CLPSL1: variants seen among roughly 807,000 people sequenced by gnomAD.
CLPSL1 encodes the protein colipase-like protein 1.
CLPSL1 carries 13 observed loss-of-function variants against 9.3 expected under a neutral mutation model. The ratio of observed to expected loss-of-function variants is 1.40; its 90% CI spans 0.91 to 2.22. The LOEUF (loss-of-function observed/expected upper bound fraction) is 2.22. CLPSL1 is among the 30% of genes most tolerant of loss of function. The pLI, the probability that CLPSL1 is intolerant of heterozygous loss-of-function variation, is 0.00. For synonymous variants in CLPSL1, 58 were observed against 56.9 expected (o/e 1.02, Z -0.08); for missense variants, 164 against 146.6 (o/e 1.12, Z -0.61).
downstream of CLPSL1, among the ~76,000 whole-genome samples, chr6:35,792,609 C>A (rs1457614966): frequency 6.6e-6 from 1 of 152,274 alleles, no homozygotes; most frequent in Non-Finnish European, 1.5e-5. Context: ...GGAGCACTGG[C>A]CGTTGGAAAT....
At chr6:35,790,494 T>G (rs541350529), downstream of CLPSL1, among the ~76,000 whole-genome samples, 3 of 152,362 alleles carry the variant, frequency 2.0e-5, no homozygotes, top group South Asian at 6.2e-4. Context: ...AAATGACCGA[T>G]TTTTATTCAG....
chr6:35,782,280 G>C (rs1767980530), intron 1 of CLPSL1, among the ~76,000 whole-genome samples: 1 of 152,128 alleles, frequency 6.6e-6, no homozygotes, highest in Non-Finnish European at 1.5e-5. Context: ...GAAATCATGG[G>C]AGATGAGCTC....
chr6:35,792,220 G>A (rs1768234111), downstream of CLPSL1, among the ~76,000 whole-genome samples: 2 of 152,172 alleles, frequency 1.3e-5, no homozygotes, highest in African/African-American at 4.8e-5. Flanking sequence ...GCTGTAGTGA[G>A]CCATGATCAT....
intron 2 of CLPSL1, 39 bp downstream of exon 2, chr6:35,787,159 G>A (rs751721004): frequency 1.2e-6 from 2 of 1,604,926 alleles, no homozygotes; most frequent in South Asian, 1.1e-5. Context: ...AGGGGATCCA[G>A]GGGAAGTGGG....
chr6:35,788,979 A>G (rs971978461), downstream of CLPSL1, among the ~76,000 whole-genome samples: 1 of 152,278 alleles, frequency 6.6e-6, no homozygotes, highest in Non-Finnish European at 1.5e-5. Context: ...CTTAGGATGC[A>G]AGGGCTGGGG....
chr6:35,786,230 C>T (rs763790634), intron 1 of CLPSL1, among the ~76,000 whole-genome samples: 5 of 152,028 alleles, frequency 3.3e-5, no homozygotes, highest in Admixed American at 6.6e-5. Context: ...CCAGCCTGCG[C>T]GATGGAAGCA....
chr6:35,788,328 C>T (rs537836086), downstream of CLPSL1, among the ~76,000 whole-genome samples: 2 of 152,354 alleles, frequency 1.3e-5, no homozygotes, highest in Admixed American at 1.3e-4. Flanking sequence ...AAGCTCCCTT[C>T]CCACCCCAAC....
chr6:35,787,923 T>A lies in CLPSL1; in HGVS notation c.279T>A (p.Tyr93Ter). ...GCCTGCGGAACCTGACTTGTATATA[T>A]TCAAAGAATGAGAAATGGCTTAGCA... is the stretch of plus-strand genomic sequence containing the variant. ...CPCLRNLTCI[Y>*]SKNEKWLSIA... The change falls in exon 3 of 3, where the codon TAT becomes TAA. Residue 93 changes from tyrosine to a stop codon, truncating the protein, a stop_gained. Coordinates refer to ENST00000373861, the MANE Select transcript of CLPSL1 (RefSeq NM_001010886.5). LOFTEE classifies it low-confidence loss of function (END_TRUNC). 2 of 1,610,868 alleles carry A rather than the reference T, an allele frequency of 1.2e-6. No homozygotes were observed. The highest frequency in any genetic ancestry group is 2.2e-5 in the South Asian group (2 of 91,004).
exon 2 of CLPSL1, chr6:35,793,625 CT>C (rs1347706732): frequency 6.4e-6 from 3 of 466,960 alleles, no homozygotes; most frequent in Non-Finnish European, 4.5e-6. Flanking sequence ...CTTCCTGTGT[CT>C]TTGCTTTGGA....
At chr6:35,784,021 A>G (rs1768021586) in intron 1 of CLPSL1, among the ~76,000 whole-genome samples, 1 of 152,050 alleles carries the variant, frequency 6.6e-6, no homozygotes, top group African/African-American at 2.4e-5. Context: ...CCTGTGATAC[A>G]GCCTCAGGTG....
chr6:35,788,467 G>T (rs1182686801), downstream of CLPSL1, among the ~76,000 whole-genome samples: 2 of 152,256 alleles, frequency 1.3e-5, no homozygotes, highest in African/African-American at 2.4e-5. Flanking sequence ...TGTGTATAAA[G>T]AATTGAGGAT....
At chr6:35,787,449 A>G (rs917160366) in intron 2 of CLPSL1, among the ~76,000 whole-genome samples, 1 of 152,284 alleles carries the variant, frequency 6.6e-6, no homozygotes, top group Non-Finnish European at 1.5e-5. Context: ...CCTCTGCCCC[A>G]GAGCCCCGTC....
chr6:35,793,619 C>G (rs1768266953), exon 2 of CLPSL1: 1 of 468,548 alleles, frequency 2.1e-6, no homozygotes, highest in Non-Finnish European at 4.4e-6. Flanking sequence ...CCAGCACTTC[C>G]TGTGTCTTTG....
At chr6:35,792,698 T>C (rs1768244229), downstream of CLPSL1, among the ~76,000 whole-genome samples, 1 of 152,280 alleles carries the variant, frequency 6.6e-6, no homozygotes, top group South Asian at 2.1e-4. Context: ...TACTCACTTT[T>C]GAAGACCAGG....
In CLPSL1 at chr6:35,793,346, A is replaced by G. The variant is rs1768258044; in HGVS notation, c.82-142A>G. 6 of 430,724 alleles carry G rather than the reference A, an allele frequency of 1.4e-5. 1 individual carries two copies. Among genetic ancestry groups the G allele is most frequent in the South Asian group, 1.0e-4 (6 of 58,610 alleles). The allele number at this position is 430,724 out of a possible 1,614,324, so 26.7% of individuals were successfully genotyped here. ...AGGCTGAAGCAGGAGAATCGCATGA[A>G]CCCAGGAGGCAGAAGTTGCAGGGAG... is the stretch of plus-strand genomic sequence containing the variant. On this transcript the variant is annotated intron_variant, in intron 1 of 1. Coordinates refer to the CLPSL1 transcript ENST00000428710.
In CLPSL1 at chr6:35,786,986, C is replaced by T. The variant is rs1768088213; in HGVS notation, c.100-12C>T. 6.4e-7 allele frequency: 1 copy of T among 1,568,564 alleles called. No homozygotes were observed. Among genetic ancestry groups the T allele is most frequent in the Admixed American group, 1.9e-5 (1 of 51,618 alleles). ...GCGGTGGAGCCTGGCGGTGCCGTGT[C>T]CCTCCCTGCAGGAGCTCAAGGAGTC... On this transcript the variant is annotated splice_polypyrimidine_tract_variant and intron_variant, in intron 1 of 2. Coordinates refer to ENST00000373861, the MANE Select transcript of CLPSL1 (RefSeq NM_001010886.5).
chr6:35,787,203 G>A, intron 2 of CLPSL1, 83 bp downstream of exon 2: 1 of 1,499,302 alleles, frequency 6.7e-7, no homozygotes, highest in Non-Finnish European at 9.1e-7. Flanking sequence ...GGGGAGGAAA[G>A]AAGGGTAGGT....
downstream of CLPSL1, among the ~76,000 whole-genome samples, chr6:35,792,886 C>T (rs914444316): frequency 1.3e-5 from 2 of 152,256 alleles, no homozygotes; most frequent in Non-Finnish European, 2.9e-5. Flanking sequence ...ATTGAAAGCT[C>T]CTCTTGTTGA....
chr6:35,785,925 G>C (rs2151060884), intron 1 of CLPSL1, among the ~76,000 whole-genome samples: 1 of 148,644 alleles, frequency 6.7e-6, no homozygotes, highest in South Asian at 2.2e-4. Context: ...CTCCAGCCTG[G>C]GTGACAGAGT....
Sources: gnomAD v4.1 joint callset for allele counts (sites outside exome capture counted in the v4.1 genomes callset) on GRCh38, gnomAD v4.1.1 for gene constraint, MANE v1.5 for transcripts, NCBI Gene and HGNC (gene_info 2026-07-23, HGNC 2026-07-21) for gene names.